Variants in STAT5A observed in about 807,000 individuals in gnomAD.
STAT5A encodes the protein signal transducer and activator of transcription 5A.
A neutral mutation model predicts 100.2 loss-of-function variants in STAT5A; 26 were observed. The ratio of observed to expected loss-of-function variants is 0.26; its 90% CI spans 0.19 to 0.36. STAT5A has a LOEUF of 0.36. Ranked by LOEUF, STAT5A falls within the 10% of genes least tolerant of loss-of-function variation. The probability of loss-of-function intolerance (pLI) is 1.00; values close to 1 mark genes in which losing one functional copy is unlikely to be tolerated. For synonymous variants in STAT5A, 330 were observed against 424.3 expected (o/e 0.78, Z 2.73); for missense variants, 634 against 1,027.5 (o/e 0.62, Z 5.24).
At chr17:42,307,292 A>G (rs1281743680) in intron 13 of STAT5A, 110 bp from the exon 14 acceptor site, 2 of 1,035,006 alleles carry the variant, frequency 1.9e-6, no homozygotes, top group Non-Finnish European at 2.9e-6. Flanking sequence ...GGTGGCAAGC[A>G]GGGGTGAAGA....
chr17:42,306,760 C>G (rs1020443740), intron 13 of STAT5A, among the ~76,000 whole-genome samples: 4 of 152,004 alleles, frequency 2.6e-5, no homozygotes, highest in African/African-American at 9.7e-5. Context: ...CATTCTGTCA[C>G]CCAGGCTGGA....
chr17:42,306,055 T>C, intron 12 of STAT5A, 186 bp from the exon 13 acceptor site: 1 of 1,027,500 alleles, frequency 9.7e-7, no homozygotes, highest in Non-Finnish European at 1.4e-6. Context: ...TTTTCTTCCC[T>C]GCAGGCTGGG....
intron 3 of STAT5A, among the ~76,000 whole-genome samples, 163 bp from the exon 4 acceptor site, chr17:42,291,809 T>C (rs191113170): frequency 6.6e-6 from 1 of 151,652 alleles, no homozygotes; most frequent in East Asian, 1.9e-4. Context: ...GAGGGGAAGA[T>C]GAGGATGAGG....
In STAT5A at chr17:42,291,976, C is replaced by T. The variant is rs756146419; in HGVS notation, c.290C>T (p.Thr97Ile). The part of the protein sequence containing the change: ...LGHYATQLQK[T>I]YDRCPLELVR... ...GCTACTGTTGGATTCTTTCAGAAAA[C>T]ATATGACCGCTGCCCCCTGGAGCTG... The change falls in exon 4 of 19, where the codon ACA becomes ATA. Residue 97 changes from threonine (T) to isoleucine (I), a missense_variant. This residue lies in a region of STAT5A where 207 missense variants were observed against 256.6 expected (regional missense o/e 0.81). Transcript: ENST00000590949. 4.9e-5 allele frequency: 79 copies of T among 1,613,662 alleles called. No individual in the cohort carries two copies. The highest frequency in any genetic ancestry group is 6.5e-5 in the Non-Finnish European group (77 of 1,179,820).
rs936716601 is a variant in STAT5A at position 42,304,549 on chromosome 17, G to A, written c.1277G>A (p.Arg426His). Residue 426 changes from arginine (R) to histidine (H), a missense_variant, in exon 11 of 19, where the codon CGT becomes CAT. Arg to His is a conservative substitution (Grantham distance 29). Transcript: ENST00000590949. This position sits in a 1 kb window ranked among gnomAD's most constrained non-coding sequence, Gnocchi z 4.8. ...CTGCAGTCACTGAAGAGGATCAAGC[G>A]TGCTGACCGGCGGGGTGCAGAGTCC... is the stretch of plus-strand genomic sequence containing the variant. The part of the protein sequence containing the change: ...FRNMSLKRIK[R>H]ADRRGAESVT... The A allele has an allele frequency of 6.2e-7, 1 of 1,614,140 alleles. No individual in the cohort carries two copies. The highest frequency in any genetic ancestry group is 1.3e-5 in the African/African-American group (1 of 74,952).
rs1373922538 is a variant in STAT5A at position 42,304,925 on chromosome 17, G to A, written c.1380+273G>A. ...GGGTGAGGAAAGTGGGTTGGGACCAGGTGTGGTGGCTCTCACCTGTAATTC... is the reference window on the plus strand; with the variant it reads ...GGGTGAGGAAAGTGGGTTGGGACCAAGTGTGGTGGCTCTCACCTGTAATTC... On this transcript the variant is annotated intron_variant, in intron 11 of 18. Transcript: ENST00000590949. This position sits in a 1 kb window ranked among gnomAD's most constrained non-coding sequence, Gnocchi z 4.8. 1.3e-5 allele frequency among the ~76,000 whole-genome samples: 2 copies of A among 152,220 alleles called. No homozygotes were observed. Among genetic ancestry groups the A allele is most frequent in the Non-Finnish European group, 2.9e-5 (2 of 68,050 alleles).
At position 42,306,225 on chromosome 17, in the gene STAT5A, C is replaced by G; in HGVS notation, c.1474-16C>G. ...TCCCTCAATCTACCTTTTCCCCTCTCTTGTCTCCCTCTCAGGGCAGGGTGC... is the reference window on the plus strand; with the variant it reads ...TCCCTCAATCTACCTTTTCCCCTCTGTTGTCTCCCTCTCAGGGCAGGGTGC... On this transcript the variant is annotated splice_polypyrimidine_tract_variant and intron_variant, in intron 12 of 18. Coordinates refer to ENST00000590949, the MANE Select transcript of STAT5A (RefSeq NM_001288718.2). 1 of 1,614,048 alleles carries G rather than the reference C, an allele frequency of 6.2e-7. No homozygotes were observed. Among genetic ancestry groups the G allele is most frequent in the South Asian group, 1.1e-5 (1 of 91,080 alleles).
chr17:42,301,383 C>G lies in STAT5A; in HGVS notation c.1098C>G (p.Pro366=). ...VGGKLNVHMN[P]PQVKATIISE... ...GGAAGCTGAACGTGCACATGAATCC[C>G]CCCCAGGTGAAGGCCACCATCATCA... is the stretch of plus-strand genomic sequence containing the variant. The change falls in exon 9 of 19, where the codon CCC becomes CCG. Residue 366 remains proline, a synonymous_variant. Transcript: ENST00000590949. 6.2e-7 allele frequency: 1 copy of G among 1,614,180 alleles called. No homozygotes were observed. The highest frequency in any genetic ancestry group is 8.5e-7 in the Non-Finnish European group (1 of 1,180,038).
At chr17:42,298,522 AG>A (rs993975209) in intron 5 of STAT5A, among the ~76,000 whole-genome samples, 2 of 138,762 alleles carry the variant, frequency 1.4e-5, no homozygotes, top group Admixed American at 7.6e-5. Context: ...CCCAGGCTGG[AG>A]TGCAGTGGCC....
At chr17:42,307,818 A>C in intron 15 of STAT5A, 95 bp downstream of exon 15, 1 of 1,533,384 alleles carries the variant, frequency 6.5e-7, no homozygotes, top group Non-Finnish European at 8.8e-7. Context: ...GTGTCCTTAG[A>C]AGGTACCCAG....
chr17:42,304,586 G>A lies in STAT5A; in HGVS notation c.1314G>A (p.Glu438=). Residue 438 remains glutamate, a synonymous_variant, in exon 11 of 19, where the codon GAG becomes GAA. Transcript: ENST00000590949. The surrounding 1 kb of genome is among the most constrained non-coding windows in gnomAD (Gnocchi z 4.8). ...DRRGAESVTE[E]KFTVLFESQF... ...GGGGTGCAGAGTCCGTGACAGAGGAGAAGTTCACAGTCCTGTTTGAGTCTC... is the reference window on the plus strand; with the variant it reads ...GGGGTGCAGAGTCCGTGACAGAGGAAAAGTTCACAGTCCTGTTTGAGTCTC... The A allele has an allele frequency of 1.9e-6, 3 of 1,614,258 alleles. No individual in the cohort carries two copies. The East Asian group carries it at 6.7e-5, about 36-fold the overall frequency.
At chr17:42,307,543 G>C in intron 14 of STAT5A, 47 bp downstream of exon 14, 1 of 1,614,136 alleles carries the variant, frequency 6.2e-7, no homozygotes, top group Non-Finnish European at 8.5e-7. Flanking sequence ...TGGGCGCAGA[G>C]AGACTGTGGC....
At chr17:42,290,085 C>A in intron 3 of STAT5A, 63 bp downstream of exon 3, 1 of 1,499,608 alleles carries the variant, frequency 6.7e-7, no homozygotes, top group East Asian at 2.6e-5. Context: ...CATCAGAACC[C>A]CTGGGTTTTT....
Position 42,304,252 on chromosome 17 carries a change from C to T in STAT5A, c.1170-90C>T. 7.8e-7 allele frequency: 1 copy of T among 1,286,514 alleles called. No individual in the cohort carries two copies. The highest frequency in any genetic ancestry group is 1.1e-6 in the Non-Finnish European group (1 of 896,952). The allele number at this position is 1,286,514 out of a possible 1,614,324, so 79.7% of individuals were successfully genotyped here. On this transcript the variant is annotated intron_variant, in intron 9 of 18. Coordinates refer to ENST00000590949, the MANE Select transcript of STAT5A (RefSeq NM_001288718.2). The surrounding 1 kb of genome is among the most constrained non-coding windows in gnomAD (Gnocchi z 4.8). ...GGGCAGGGGCTGCTGGCAGGGCTGA[C>T]CTGAGCGAAGACCCCAGCCCGAGGT...
intron 14 of STAT5A, 48 bp downstream of exon 14, chr17:42,307,544 A>G (rs2272087): frequency 0.19 from 303,333 of 1,613,682 alleles, 30,926 homozygotes; most frequent in East Asian, 0.35. Context: ...GGGCGCAGAG[A>G]GACTGTGGCT....
Position 42,292,073 on chromosome 17 carries a change from T to G in STAT5A, c.375+12T>G. 1 of 1,613,582 alleles carries G rather than the reference T, an allele frequency of 6.2e-7. No individual in the cohort carries two copies. Among genetic ancestry groups the G allele is most frequent in the Non-Finnish European group, 8.5e-7 (1 of 1,179,656 alleles). On this transcript the variant is annotated intron_variant, in intron 4 of 18. Transcript: ENST00000590949. ...GAGAAGCCAACAATGTGAGTGTCCCTTGGGGATGGGGAGGAGTGTTGAGAA... is the reference window on the plus strand; with the variant it reads ...GAGAAGCCAACAATGTGAGTGTCCCGTGGGGATGGGGAGGAGTGTTGAGAA...
chr17:42,295,522 T>C, intron 4 of STAT5A, 97 bp from the exon 5 acceptor site: 1 of 1,321,392 alleles, frequency 7.6e-7, no homozygotes, highest in Non-Finnish European at 1.0e-6. Flanking sequence ...TAGTTTGGGG[T>C]TTGGGGTTTG....
At chr17:42,289,825 G>A in intron 2 of STAT5A, 41 bp from the exon 3 acceptor site, 1 of 1,474,472 alleles carries the variant, frequency 6.8e-7, no homozygotes, top group Non-Finnish European at 9.0e-7. Context: ...CTTGCCCAAG[G>A]AGGTGCCACA....
At position 42,308,233 on chromosome 17, in the gene STAT5A, G is replaced by T; in HGVS notation, c.1962G>T (p.Arg654Ser). ...KPFTTRDFSI[R>S]SLADRLGDLS... ...TCACCACGCGGGATTTCTCCATCAG[G>T]TCCCTGGCTGACCGGCTGGGGGACC... Residue 654 changes from arginine (R) to serine (S), a missense_variant, in exon 16 of 19, where the codon AGG (arginine) becomes AGT (serine). By Grantham distance (110) the Arg-to-Ser change is moderately radical. Transcript: ENST00000590949. This position sits in a 1 kb window ranked among gnomAD's most constrained non-coding sequence, Gnocchi z 4.6. 2 of 1,614,204 alleles carry T rather than the reference G, an allele frequency of 1.2e-6. No homozygotes were observed. The highest frequency in any genetic ancestry group is 1.6e-4 in the Middle Eastern group (1 of 6,062).
Sources: allele counts gnomAD v4.1 joint callset (sites outside exome capture counted in the v4.1 genomes callset), GRCh38; gene constraint gnomAD v4.1.1; regional missense constraint gnomAD v4.1.1; non-coding constraint Gnocchi (gnomAD v3.1); transcripts MANE v1.5; gene names NCBI Gene and HGNC (gene_info 2026-07-23, HGNC 2026-07-21).